The following LMTK2 variants were observed in gnomAD, a reference collection of about 807,000 sequenced individuals.
LMTK2 encodes lemur tail kinase 2.
A neutral mutation model predicts 127.5 loss-of-function variants in LMTK2; 37 were observed. The ratio of observed to expected loss-of-function variants is 0.29; its 90% CI spans 0.22 to 0.38. LMTK2 has a LOEUF of 0.38. Ranked by LOEUF, LMTK2 falls within the 10% of genes least tolerant of loss-of-function variation. LMTK2 has a pLI of 1.00. For synonymous variants in LMTK2, 819 were observed against 810.1 expected, an observed-to-expected ratio of 1.01 and a Z score of -0.19; for missense variants, 1,694 against 1,920.3, an observed-to-expected ratio of 0.88 and a Z score of 2.20.
intron 4 of LMTK2, among the ~76,000 whole-genome samples, chr7:98,152,246 G>C (rs1796870107): frequency 6.6e-6 from 1 of 152,120 alleles, no homozygotes. Context: ...ATCGTAGATG[G>C]CTCAGAAGGA....
Position 98,192,042 on chromosome 7 carries a change from G to T in LMTK2, c.1577G>T (p.Gly526Val), listed in dbSNP as rs746432515. The change falls in exon 11 of 14, where the codon GGC (glycine) becomes GTC (valine). Residue 526 changes from glycine to valine, a missense_variant. By Grantham distance (109) the Gly-to-Val change is moderately radical. Transcript: ENST00000297293. ...GGGCCCGGAAAGCAAGATGACAGCG[G>T]CCAGGATGTCCCCCTGAGGGTCCCT... is the stretch of plus-strand genomic sequence containing the variant. ...DPGPGKQDDS[G>V]QDVPLRVPGV... 6.2e-6 allele frequency: 10 copies of T among 1,603,728 alleles called. No homozygotes were observed. In the South Asian group the frequency reaches 1.0e-4, roughly 16 times the overall value.
chr7:98,202,062 T>TTAGA (rs1797711570), intron 11 of LMTK2, among the ~76,000 whole-genome samples: 1 of 152,182 alleles, frequency 6.6e-6, no homozygotes, highest in Admixed American at 6.5e-5. Context: ...GACTCCAGGG[T>TTAGA]TAGACCCTGT....
chr7:98,208,674 A>C lies in LMTK2; in HGVS notation c.*3182A>C, dbSNP rs1413044152. 6.6e-6 allele frequency: 1 copy of C among 152,240 alleles called. No homozygotes were observed. The highest frequency in any genetic ancestry group is 2.4e-5 in the African/African-American group (1 of 41,456). 9.4% of individuals were successfully genotyped at this position (152,240 alleles called of 1,614,324 possible). A position where few individuals can be genotyped will look rare whatever the true frequency, so the allele number is the denominator to read the frequency against. On this transcript the variant is annotated 3_prime_UTR_variant, in exon 14 of 14. Transcript: ENST00000297293. ...TTTGTCTTTTTGAATGACCCTGTCA[A>C]TAAGCCAGAAAGGGCAACCCAGAAA...
Position 98,106,979 on chromosome 7 carries a change from A to C in LMTK2, c.-199A>C. ...GCGGCGGCGGCGCAGGCGGGCGGGA[A>C]GGATGGTGTTTCTGCGACTGGAGCG... On this transcript the variant is annotated 5_prime_UTR_variant, in exon 1 of 14. Transcript: ENST00000297293. 1 of 457,404 alleles carries C rather than the reference A, an allele frequency of 2.2e-6. No homozygotes were observed. Among genetic ancestry groups the C allele is most frequent in the Non-Finnish European group, 3.9e-6 (1 of 258,724 alleles). 28.3% of individuals were successfully genotyped at this position (457,404 alleles called of 1,614,324 possible). A position where few individuals can be genotyped will look rare whatever the true frequency, so the allele number is the denominator to read the frequency against.
chr7:98,139,359 C>T (rs1010872007), intron 2 of LMTK2, among the ~76,000 whole-genome samples: 1 of 152,202 alleles, frequency 6.6e-6, no homozygotes, highest in Non-Finnish European at 1.5e-5. Context: ...AAGTGATCCT[C>T]CCGCCTCTGC....
rs1584237764 is a variant in LMTK2 at position 98,110,194 on chromosome 7, T to C, written c.103+2914T>C. On this transcript the variant is annotated intron_variant, in intron 1 of 13. Coordinates refer to ENST00000297293, the MANE Select transcript of LMTK2 (RefSeq NM_014916.4). ...AATTCAGCTTTTAAACTGAAGATCA[T>C]TTATCTATGGTGTCTTCATCATCTA... Among the ~76,000 whole-genome samples, 4 of 152,324 alleles carry C rather than the reference T, an allele frequency of 2.6e-5. No homozygotes were observed. The East Asian group carries it at 7.7e-4, about 29-fold the overall frequency.
At chr7:98,131,542 A>ATATTGT (rs1477411880) in intron 1 of LMTK2, among the ~76,000 whole-genome samples, 1 of 150,898 alleles carries the variant, frequency 6.6e-6, no homozygotes, top group Non-Finnish European at 1.5e-5. Flanking sequence ...TTCAGGTTTG[A>ATATTGT]TATTGTTTTT....
chr7:98,138,770 C>T (rs1796633831), intron 2 of LMTK2, among the ~76,000 whole-genome samples: 1 of 152,160 alleles, frequency 6.6e-6, no homozygotes, highest in Non-Finnish European at 1.5e-5. Context: ...TTCATGATGC[C>T]TCATTCTTGC....
At chr7:98,147,568 C>T (rs1284187201) in intron 3 of LMTK2, among the ~76,000 whole-genome samples, 1 of 151,508 alleles carries the variant, frequency 6.6e-6, no homozygotes. Flanking sequence ...AGATTCATGC[C>T]CTCTGTTTCC....
intron 3 of LMTK2, among the ~76,000 whole-genome samples, chr7:98,144,730 C>G (rs1017219871): frequency 1.3e-5 from 2 of 150,378 alleles, no homozygotes; most frequent in African/African-American, 2.5e-5. Flanking sequence ...CCCACCCACA[C>G]ACATGCATAG....
At chr7:98,180,069 C>T (rs1797332571) in intron 7 of LMTK2, among the ~76,000 whole-genome samples, 2 of 152,116 alleles carry the variant, frequency 1.3e-5, no homozygotes, top group African/African-American at 4.8e-5. Flanking sequence ...GAAGATTAAA[C>T]ACTTAGAGAA....
At chr7:98,178,501 C>T (rs757445229) in intron 7 of LMTK2, among the ~76,000 whole-genome samples, 17 of 152,160 alleles carry the variant, frequency 1.1e-4, no homozygotes, top group Non-Finnish European at 2.4e-4. Context: ...CTGCCAAGCT[C>T]AGGCGACGCT....
At chr7:98,122,167 A>T (rs540006016) in intron 1 of LMTK2, among the ~76,000 whole-genome samples, 4 of 152,232 alleles carry the variant, frequency 2.6e-5, no homozygotes, top group Admixed American at 2.6e-4. Context: ...AAACACCACC[A>T]TTGATTTATA....
At chr7:98,159,866 TCATC>T (rs1796987245) in intron 6 of LMTK2, among the ~76,000 whole-genome samples, 1 of 152,208 alleles carries the variant, frequency 6.6e-6, no homozygotes, top group Admixed American at 6.5e-5. Context: ...AGAGTACTCC[TCATC>T]CGTCAGCATC....
chr7:98,151,671 G>A (rs1341235534), intron 4 of LMTK2, among the ~76,000 whole-genome samples: 1 of 152,250 alleles, frequency 6.6e-6, no homozygotes, highest in Non-Finnish European at 1.5e-5. Context: ...CGGCATACAG[G>A]CTGTTATAAC....
intron 11 of LMTK2, among the ~76,000 whole-genome samples, chr7:98,200,302 T>A (rs1302775684): frequency 6.6e-6 from 1 of 152,190 alleles, no homozygotes; most frequent in Non-Finnish European, 1.5e-5. Context: ...CCTCAGACAG[T>A]GCAACACATT....
chr7:98,176,036 A>G (rs1431848761), intron 7 of LMTK2, among the ~76,000 whole-genome samples: 1 of 152,260 alleles, frequency 6.6e-6, no homozygotes, highest in Non-Finnish European at 1.5e-5. Context: ...ATTCTCCTGA[A>G]TGAACATAGA....
In LMTK2 at chr7:98,171,449, T is replaced by C. The variant is rs1797189193; in HGVS notation, c.658-92T>C. 3 of 1,512,394 alleles carry C rather than the reference T, an allele frequency of 2.0e-6. No homozygotes were observed. The African/African-American group carries it at 4.1e-5, about 21-fold the overall frequency. The allele number at this position is 1,512,394 out of a possible 1,614,324, so 93.7% of individuals were successfully genotyped here. ...AACAAAAGAAGTTTCTAATAAATAA[T>C]CTTAACAGTTAGTGTTCACCGAGGC... is the stretch of plus-strand genomic sequence containing the variant. On this transcript the variant is annotated intron_variant, in intron 6 of 13. Coordinates refer to ENST00000297293, the MANE Select transcript of LMTK2 (RefSeq NM_014916.4). This position sits in a 1 kb window ranked among gnomAD's most constrained non-coding sequence, Gnocchi z 5.1.
Position 98,204,162 on chromosome 7 carries a change from A to T in LMTK2, c.4459A>T (p.Thr1487Ser). The T allele has an allele frequency of 6.2e-7, 1 of 1,606,756 alleles. No individual in the cohort carries two copies. Among genetic ancestry groups the T allele is most frequent in the Non-Finnish European group, 8.5e-7 (1 of 1,179,320 alleles). ...NIASFSLTHLTDSDIEQGGSS... is the reference protein window; with the variant it reads ...NIASFSLTHLSDSDIEQGGSS... The stretch of plus-strand genomic sequence containing the variant: ...TGCCAGCTTTTCCCTCACACACCTG[A>T]CCGACTCGGACATCGAGCAGGGCGG... Residue 1487 changes from threonine to serine, a missense_variant, in exon 13 of 14, where the codon ACC becomes TCC. Around this residue, in one of 8 missense-constraint regions of LMTK2, gnomAD observed 554 missense variants for 567.7 expected, o/e 0.98. Transcript: ENST00000297293.
Sources: gnomAD v4.1 joint callset for allele counts (sites outside exome capture counted in the v4.1 genomes callset) on GRCh38, gnomAD v4.1.1 for gene constraint, gnomAD v4.1.1 regional missense constraint, Gnocchi (gnomAD v3.1) non-coding constraint, MANE v1.5 for transcripts, NCBI Gene and HGNC (gene_info 2026-07-23, HGNC 2026-07-21) for gene names.